IQGAP1: variants seen among roughly 807,000 people sequenced by gnomAD.
IQGAP1 encodes IQ motif containing GTPase activating protein 1, also known as ras GTPase-activating-like protein IQGAP1.
A neutral mutation model predicts 215.6 loss-of-function variants in IQGAP1; 66 were observed. That is an observed-to-expected ratio of 0.31 (90% CI 0.25 to 0.38). The LOEUF is 0.38. Ranked by LOEUF, IQGAP1 falls within the 10% of genes least tolerant of loss-of-function variation. IQGAP1 has a pLI of 1.00. For missense variants in IQGAP1, 1,712 were observed against 1,997.1 expected (o/e 0.86, Z 2.72); for synonymous variants, 772 against 728.7 (o/e 1.06, Z -0.96).
intron 37 of IQGAP1, among the ~76,000 whole-genome samples, chr15:90,498,942 T>C (rs1330160446): frequency 6.6e-6 from 1 of 152,136 alleles, no homozygotes; most frequent in Non-Finnish European, 1.5e-5. Context: ...CCTGAGTAGC[T>C]GAGAATATAG....
chr15:90,487,568 G>A lies in IQGAP1; in HGVS notation c.4234G>A (p.Ala1412Thr), dbSNP rs748958180. 5.6e-6 allele frequency: 9 copies of A among 1,613,192 alleles called. No individual in the cohort carries two copies. The Admixed American group carries it at 1.3e-4, about 24-fold the overall frequency. Residue 1412 changes from alanine (A) to threonine (T), a missense_variant, in exon 33 of 38, where the codon GCC (alanine) becomes ACC (threonine). By Grantham distance (58) the Ala-to-Thr change is moderately conservative. This residue lies in a region of IQGAP1 where 691 missense variants were observed against 923.0 expected (regional missense o/e 0.75). Coordinates refer to ENST00000268182, the MANE Select transcript of IQGAP1 (RefSeq NM_003870.4). ...CTTGACTGAAATCCTAGAAACACCA[G>A]CCACCAGTGAACAGGTAAAATTTAG... ...ETLTEILETP[A>T]TSEQEAEHQR...
At chr15:90,443,512 A>G (rs1263698464) in intron 9 of IQGAP1, 34 bp downstream of exon 9, 3 of 1,147,816 alleles carry the variant, frequency 2.6e-6, no homozygotes, top group Admixed American at 1.8e-5. Context: ...ACCTAAAGGG[A>G]TATTATAATA....
intron 11 of IQGAP1, among the ~76,000 whole-genome samples, chr15:90,451,060 T>C (rs1453710945): frequency 3.3e-5 from 5 of 152,212 alleles, no homozygotes; most frequent in African/African-American, 1.2e-4. Context: ...TCCTGAAGCA[T>C]TTCCCCAATG....
At chr15:90,488,802 AAGG>A (rs1228133747) in intron 33 of IQGAP1, among the ~76,000 whole-genome samples, 2 of 152,142 alleles carry the variant, frequency 1.3e-5, no homozygotes, top group African/African-American at 2.4e-5. Flanking sequence ...CAAAGGTACA[AAGG>A]AGGGAAGAGC....
rs751054433 is a variant in IQGAP1 at position 90,448,666 on chromosome 15, G to C, written c.1007G>C (p.Arg336Pro). The change falls in exon 10 of 38, where the codon CGA (arginine) becomes CCA (proline). Residue 336 changes from arginine (R) to proline (P), a missense_variant. This residue lies in a region of IQGAP1 where 1,021 missense variants were observed against 1,074.2 expected (regional missense o/e 0.95). Coordinates refer to ENST00000268182, the MANE Select transcript of IQGAP1 (RefSeq NM_003870.4). ...RALQSPALGLRGLQQQNSDWY... is the reference protein window; with the variant it reads ...RALQSPALGLPGLQQQNSDWY... ...CTGCAGTCACCAGCCCTGGGGCTTC[G>C]AGGACTGCAGCAACAGAATAGCGAC... 6.2e-7 allele frequency: 1 copy of C among 1,612,036 alleles called. No individual in the cohort carries two copies. Among genetic ancestry groups the C allele is most frequent in the Middle Eastern group, 1.7e-4 (1 of 6,046 alleles).
chr15:90,445,627 C>CA (rs1157340374), intron 9 of IQGAP1, among the ~76,000 whole-genome samples: 1 of 151,990 alleles, frequency 6.6e-6, no homozygotes, highest in East Asian at 1.9e-4. Context: ...TTAGACTCAC[C>CA]AAAAAAACTA....
intron 2 of IQGAP1, among the ~76,000 whole-genome samples, chr15:90,399,304 T>C (rs1964772770): frequency 6.6e-6 from 1 of 152,160 alleles, no homozygotes; most frequent in Non-Finnish European, 1.5e-5. Flanking sequence ...ATAATTTATT[T>C]AGGTTTATTC....
rs549269141 is a variant in IQGAP1 at position 90,448,632 on chromosome 15, T to C, written c.973T>C (p.Phe325Leu). The C allele has an allele frequency of 6.2e-7, 1 of 1,611,686 alleles. No homozygotes were observed. Among genetic ancestry groups the C allele is most frequent in the East Asian group, 2.2e-5 (1 of 44,772 alleles). The change falls in exon 10 of 38, where the codon TTC becomes CTC. Residue 325 changes from phenylalanine to leucine, a missense_variant. Physicochemically the swap from Phe to Leu is conservative, Grantham distance 22. This residue lies in a region of IQGAP1 where 1,021 missense variants were observed against 1,074.2 expected (regional missense o/e 0.95). Coordinates refer to ENST00000268182, the MANE Select transcript of IQGAP1 (RefSeq NM_003870.4). ...ALEQGDALALFRALQSPALGL... is the reference protein window; with the variant it reads ...ALEQGDALALLRALQSPALGL... ...AGAACAAGGAGATGCACTGGCCTTG[T>C]TCAGGGCTCTGCAGTCACCAGCCCT...
At position 90,456,153 on chromosome 15, in the gene IQGAP1, G is replaced by C. The variant is rs374583771; in HGVS notation, c.1614G>C (p.Arg538Ser). ...AACTTTCTGTCTCTTTATATTTAGG[G>C]ATTTTAGCCATTGGTTTAATTAATG... ...VNLVVQEEHE[R>S]ILAIGLINEA... is the part of the protein sequence containing the mutation. Residue 538 changes from arginine to serine, a missense_variant and splice_region_variant, in exon 15 of 38, where the codon AGG becomes AGC. Arg to Ser is a moderately radical substitution (Grantham distance 110, BLOSUM62 -1). Transcript: ENST00000268182. 9.3e-6 allele frequency: 15 copies of C among 1,612,654 alleles called. No individual in the cohort carries two copies. The highest frequency in any genetic ancestry group is 1.3e-5 in the Non-Finnish European group (15 of 1,179,532).
intron 30 of IQGAP1, among the ~76,000 whole-genome samples, chr15:90,484,667 C>T (rs909357052): frequency 6.6e-6 from 1 of 152,056 alleles, no homozygotes; most frequent in Admixed American, 6.6e-5. Flanking sequence ...CGCCACCGTG[C>T]CTGGCTAAAT....
chr15:90,476,806 T>C lies in IQGAP1; in HGVS notation c.2928T>C (p.Phe976=). 5 of 1,587,756 alleles carry C rather than the reference T, an allele frequency of 3.1e-6. No individual in the cohort carries two copies. Among genetic ancestry groups the C allele is most frequent in the Non-Finnish European group, 4.3e-6 (5 of 1,174,190 alleles). Residue 976 remains phenylalanine, a synonymous_variant, in exon 24 of 38, where the codon TTT becomes TTC. Coordinates refer to ENST00000268182, the MANE Select transcript of IQGAP1 (RefSeq NM_003870.4). ...AGTTGGAAGCTTACCAGCACCTGTTTTATTTATTGCAAGTAAGTGGCTCCT... is the reference window on the plus strand; with the variant it reads ...AGTTGGAAGCTTACCAGCACCTGTTCTATTTATTGCAAGTAAGTGGCTCCT... ...REKLEAYQHL[F]YLLQTNPTYL...
At chr15:90,497,735 G>A (rs187281822) in intron 37 of IQGAP1, among the ~76,000 whole-genome samples, 2 of 152,328 alleles carry the variant, frequency 1.3e-5, no homozygotes, top group East Asian at 1.9e-4. Flanking sequence ...CTGACAAGGT[G>A]TGTGTAAAGT....
intron 2 of IQGAP1, among the ~76,000 whole-genome samples, chr15:90,424,479 A>T (rs2526003): frequency 0.35 from 53,675 of 152,094 alleles, 10,651 homozygotes; most frequent in East Asian, 0.51. Flanking sequence ...TGGCCCATTC[A>T]TATACCCATC....
chr15:90,401,720 A>G (rs965831495), intron 2 of IQGAP1, among the ~76,000 whole-genome samples: 1 of 152,238 alleles, frequency 6.6e-6, no homozygotes, highest in East Asian at 1.9e-4. Context: ...CATTCATCTA[A>G]TAAGTGGTTG....
rs180924744 is a variant in IQGAP1 at position 90,391,780 on chromosome 15, T to C, written c.155+907T>C. 3.9e-5 allele frequency: 6 copies of C among 152,368 alleles called. No homozygotes were observed. In the East Asian group the frequency reaches 1.2e-3, roughly 29 times the overall value. 9.4% of individuals were successfully genotyped at this position (152,368 alleles called of 1,614,324 possible). A position where few individuals can be genotyped will look rare whatever the true frequency, so the allele number is the denominator to read the frequency against. ...TATCAGTGATTCATTTCTTTTGTTC[T>C]GGTGCTTGTGTTCTTTTGCAGAGTC... is the stretch of plus-strand genomic sequence containing the variant. On this transcript the variant is annotated intron_variant, in intron 2 of 37. Coordinates refer to ENST00000268182, the MANE Select transcript of IQGAP1 (RefSeq NM_003870.4).
At chr15:90,467,099 A>T (rs114915908) in intron 17 of IQGAP1, among the ~76,000 whole-genome samples, 2,292 of 152,292 alleles carry the variant, frequency 0.015, 45 homozygotes, top group African/African-American at 0.051. Context: ...CTGAAAAAAA[A>T]AATAATAATA....
chr15:90,492,446 G>A, intron 34 of IQGAP1, 99 bp from the exon 35 acceptor site: 1 of 680,312 alleles, frequency 1.5e-6, no homozygotes, highest in Non-Finnish European at 2.2e-6. Context: ...AAAAAAGTAG[G>A]TAGTCATATT....
At position 90,439,207 on chromosome 15, in the gene IQGAP1, G is replaced by A. The variant is rs1050587492; in HGVS notation, c.468-125G>A. Reference sequence around the variant, plus strand: ...TATTGTAACTACAAAGGAGACTGTCGTAGGTACTGGGAGTCTCAGTGTTCA... The same window carrying A: ...TATTGTAACTACAAAGGAGACTGTCATAGGTACTGGGAGTCTCAGTGTTCA... On this transcript the variant is annotated intron_variant, in intron 5 of 37. Transcript: ENST00000268182. The A allele has an allele frequency of 3.5e-5, 19 of 544,894 alleles. No homozygotes were observed. In the East Asian group the frequency reaches 4.7e-4, roughly 13 times the overall value. The allele number at this position is 544,894 out of a possible 1,614,324, so 33.8% of individuals were successfully genotyped here. A position where few individuals can be genotyped will look rare whatever the true frequency, so the allele number is the denominator to read the frequency against.
rs761353951 is a variant in IQGAP1 at position 90,474,482 on chromosome 15, C to T, written c.2576-3C>T. On this transcript the variant is annotated splice_polypyrimidine_tract_variant and splice_region_variant and intron_variant, in intron 22 of 37. Transcript: ENST00000268182. ...CCATTCTTTGATGCATACTTTCTGT[C>T]AGTCAATGCTGAGGATCCTCCTATG... 7.4e-6 allele frequency: 12 copies of T among 1,611,244 alleles called. No individual in the cohort carries two copies. Among genetic ancestry groups the T allele is most frequent in the South Asian group, 2.2e-5 (2 of 91,002 alleles).
Sources: gnomAD v4.1 joint callset for allele counts (sites outside exome capture counted in the v4.1 genomes callset) on GRCh38, gnomAD v4.1.1 for gene constraint, gnomAD v4.1.1 regional missense constraint, MANE v1.5 for transcripts, NCBI Gene and HGNC (gene_info 2026-07-23, HGNC 2026-07-21) for gene names.